The following KLF8 variants were observed in gnomAD, a reference collection of about 807,000 sequenced individuals.
KLF8 encodes Krueppel-like factor 8.
In KLF8, 10 loss-of-function variants were observed where a neutral mutation model predicts 18.2. That is an observed-to-expected ratio of 0.55 (90% CI 0.34 to 0.93). KLF8 has a LOEUF of 0.93. Ranked by LOEUF, KLF8 falls within the 40% of genes least tolerant of loss-of-function variation. The pLI is 0.02. For missense variants in KLF8, 264 were observed against 277.9 expected, an observed-to-expected ratio of 0.95 and a Z score of 0.36; for synonymous variants, 109 against 97.3, an observed-to-expected ratio of 1.12 and a Z score of -0.71.
the KLF8 span, among the ~76,000 whole-genome samples, chrX:56,034,748 CTTTTTTT>C: frequency 2.4e-4 from 13 of 53,823 alleles, no homozygotes; most frequent in South Asian, 3.9e-3. Flanking sequence ...GAACTTATTT[CTTTTTTT>C]TTTTTTTTTT....
the KLF8 span, among the ~76,000 whole-genome samples, chrX:56,036,513 T>A: frequency 2.9e-4 from 32 of 112,072 alleles, no homozygotes; most frequent in Middle Eastern, 4.6e-3. Context: ...GTATTTGTGT[T>A]CTGTTTTCTA....
the KLF8 span, among the ~76,000 whole-genome samples, chrX:56,153,646 G>C: frequency 9.0e-6 from 1 of 111,399 alleles, no homozygotes; most frequent in Admixed American, 9.6e-5. Context: ...AATTGTCCCT[G>C]TTTGCAGATG....
the KLF8 span, among the ~76,000 whole-genome samples, chrX:55,924,848 G>GTTTTTTT: frequency 3.2e-5 from 2 of 62,951 alleles, no homozygotes; most frequent in Non-Finnish European, 6.5e-5. Context: ...TTTGTTTTTT[G>GTTTTTTT]CTTTTTTTTT....
chrX:56,268,223 T>A (rs1358694860), intron 3 of KLF8: 2 of 111,873 alleles, frequency 1.8e-5, no homozygotes, highest in African/African-American at 6.5e-5. Context: ...ATATTTTAGG[T>A]TGGTTCCACA....
chrX:56,030,090 A>C, the KLF8 span, among the ~76,000 whole-genome samples: 1 of 112,518 alleles, frequency 8.9e-6, no homozygotes, highest in Non-Finnish European at 1.9e-5. Context: ...TACATATGAT[A>C]GGCCTCACAC....
chrX:56,186,452 C>T, the KLF8 span, among the ~76,000 whole-genome samples: 12 of 111,176 alleles, frequency 1.1e-4, no homozygotes, highest in East Asian at 5.6e-4. Flanking sequence ...CCACTGTCAA[C>T]GTTAGACAGA....
the KLF8 span, among the ~76,000 whole-genome samples, chrX:56,063,837 G>C: frequency 9.0e-6 from 1 of 111,010 alleles, no homozygotes; most frequent in Non-Finnish European, 1.9e-5. Flanking sequence ...CTGTCTTTCA[G>C]AGATGCCCTG....
the KLF8 span, among the ~76,000 whole-genome samples, chrX:56,166,861 C>A: frequency 5.9e-4 from 66 of 111,384 alleles, no homozygotes; most frequent in Non-Finnish European, 1.1e-3. Flanking sequence ...AGAGGTGCTC[C>A]AGATGTGACA....
chrX:56,054,027 G>C, the KLF8 span, among the ~76,000 whole-genome samples: 67 of 111,027 alleles, frequency 6.0e-4, no homozygotes, highest in Non-Finnish European at 1.1e-3. Context: ...GTTATTTCTT[G>C]TGTTCTGCTA....
chrX:56,040,993 G>A, the KLF8 span, among the ~76,000 whole-genome samples: 1 of 101,266 alleles, frequency 9.9e-6, no homozygotes, highest in African/African-American at 3.5e-5. Context: ...GTCTTGAGAG[G>A]GTGCATGTGT....
the KLF8 span, among the ~76,000 whole-genome samples, chrX:56,153,203 A>G: frequency 1.8e-5 from 2 of 111,076 alleles, no homozygotes; most frequent in African/African-American, 6.5e-5. Flanking sequence ...ATTAGGCTTA[A>G]GAGTAACGTT....
At chrX:55,987,145 G>A in the KLF8 span, among the ~76,000 whole-genome samples, 1 of 107,552 alleles carries the variant, frequency 9.3e-6, no homozygotes, top group Non-Finnish European at 1.9e-5. Context: ...CTAGTAATGA[G>A]GCTGCTGGGT....
the KLF8 span, among the ~76,000 whole-genome samples, chrX:56,103,482 G>A: frequency 9.0e-6 from 1 of 111,323 alleles, no homozygotes; most frequent in Non-Finnish European, 1.9e-5. Flanking sequence ...AATTGTGAAT[G>A]GGAGTTCACT....
the KLF8 span, among the ~76,000 whole-genome samples, chrX:56,109,816 A>C: frequency 9.1e-6 from 1 of 110,220 alleles, no homozygotes; most frequent in Admixed American, 9.7e-5. Context: ...CAGGGTACAC[A>C]TGCAGGATGT....
the KLF8 span, among the ~76,000 whole-genome samples, chrX:56,156,826 T>G: frequency 4.2e-4 from 45 of 105,982 alleles, no homozygotes. Context: ...GTTTAGTTTT[T>G]TGTCCTTGTG....
chrX:55,950,377 A>T, the KLF8 span, among the ~76,000 whole-genome samples: 1 of 111,430 alleles, frequency 9.0e-6, no homozygotes, highest in South Asian at 3.8e-4. Context: ...AAGCAGCATT[A>T]TGTAGTAGTT....
chrX:56,216,884 C>G, the KLF8 span, among the ~76,000 whole-genome samples: 1 of 111,409 alleles, frequency 9.0e-6, no homozygotes, highest in African/African-American at 3.3e-5. Context: ...AGCTTTTACT[C>G]ATCCTCAGGT....
the KLF8 span, among the ~76,000 whole-genome samples, chrX:55,965,186 T>C: frequency 8.9e-6 from 1 of 112,081 alleles, no homozygotes; most frequent in Admixed American, 9.4e-5. Flanking sequence ...AGAAAGCTGG[T>C]CTACCATGAT....
chrX:56,111,430 A>G, the KLF8 span, among the ~76,000 whole-genome samples: 17 of 112,132 alleles, frequency 1.5e-4, no homozygotes, highest in South Asian at 7.4e-4. Context: ...CAAAGACTTC[A>G]TGACTAAAAC....
Sources: allele counts gnomAD v4.1 joint callset (sites outside exome capture counted in the v4.1 genomes callset), GRCh38; gene constraint gnomAD v4.1.1; transcripts MANE v1.5; gene names NCBI Gene and HGNC (gene_info 2026-07-23, HGNC 2026-07-21).